Variants in RBFOX1 observed in about 807,000 individuals in gnomAD.
RBFOX1 encodes RNA binding protein fox-1 homolog 1.
In RBFOX1, 8 loss-of-function variants were observed where a neutral mutation model predicts 57.7. The observed-to-expected ratio is 0.14, with a 90% CI of 0.08 to 0.25. RBFOX1 has a LOEUF of 0.25. RBFOX1 is among the 10% of genes least tolerant of loss of function. The pLI is 1.00. For synonymous variants in RBFOX1, 326 were observed against 222.4 expected (o/e 1.47, Z -4.15); for missense variants, 611 against 548.5 (o/e 1.11, Z -1.14).
chr16:6,841,949 T>C (rs2093486673), intron 3 of RBFOX1, among the ~76,000 whole-genome samples: 1 of 150,424 alleles, frequency 6.6e-6, no homozygotes. Context: ...CCATCCTGGC[T>C]AATACGGTGA....
At chr16:6,395,294 G>T (rs1288847553) in intron 2 of RBFOX1, among the ~76,000 whole-genome samples, 1 of 152,146 alleles carries the variant, frequency 6.6e-6, no homozygotes, top group Non-Finnish European at 1.5e-5. Context: ...AACAAAGTCA[G>T]ATTTCAAAAT....
At chr16:7,279,244 T>G (rs2141089364) in intron 4 of RBFOX1, among the ~76,000 whole-genome samples, 1 of 152,250 alleles carries the variant, frequency 6.6e-6, no homozygotes, top group African/African-American at 2.4e-5. Flanking sequence ...ATGCTGCATT[T>G]TCTCTGTTTA....
intron 3 of RBFOX1, among the ~76,000 whole-genome samples, chr16:6,712,497 A>G (rs1336303522): frequency 1.3e-5 from 2 of 152,006 alleles, no homozygotes; most frequent in African/African-American, 4.8e-5. Context: ...AGTTTTTTCC[A>G]TCTCAGTGGA....
chr16:7,218,074 T>TGC (rs1411594344), intron 4 of RBFOX1, among the ~76,000 whole-genome samples: 1 of 131,806 alleles, frequency 7.6e-6, no homozygotes, highest in Non-Finnish European at 1.6e-5. Flanking sequence ...TGTGTGTGTG[T>TGC]GCGTCTGTGT....
At chr16:5,961,994 G>T (rs1002943803) in intron 4 of RBFOX1, among the ~76,000 whole-genome samples, 2 of 152,136 alleles carry the variant, frequency 1.3e-5, no homozygotes, top group Non-Finnish European at 2.9e-5. Context: ...AAGGTATTGG[G>T]AGCCCATCTC....
chr16:5,436,821 G>A (rs1234882247), intron 1 of RBFOX1, among the ~76,000 whole-genome samples: 1 of 151,674 alleles, frequency 6.6e-6, no homozygotes, highest in Non-Finnish European at 1.5e-5. Flanking sequence ...CTGGGTGACA[G>A]AGCAAGACTC....
chr16:6,942,666 A>T (rs1236408664), intron 3 of RBFOX1, among the ~76,000 whole-genome samples: 1 of 152,160 alleles, frequency 6.6e-6, no homozygotes, highest in Non-Finnish European at 1.5e-5. Flanking sequence ...GAAGGATAAG[A>T]TGGTGTCTGA....
intron 3 of RBFOX1, among the ~76,000 whole-genome samples, chr16:5,715,830 G>A (rs1263662430): frequency 6.6e-6 from 1 of 152,184 alleles, no homozygotes; most frequent in Non-Finnish European, 1.5e-5. Context: ...AGCAAATAGC[G>A]AGAGAAGGGG....
intron 2 of RBFOX1, among the ~76,000 whole-genome samples, chr16:6,542,526 G>A (rs2096837079): frequency 8.9e-6 from 1 of 111,820 alleles, no homozygotes; most frequent in Non-Finnish European, 1.7e-5. Flanking sequence ...GTCTTGCTCT[G>A]TCACCCAGGC....
intron 4 of RBFOX1, among the ~76,000 whole-genome samples, chr16:7,218,172 C>A (rs930560105): frequency 2.6e-5 from 4 of 152,072 alleles, no homozygotes; most frequent in East Asian, 1.9e-4. Context: ...ACCCTATGAT[C>A]CTTTGCCTGA....
At chr16:7,320,233 CA>C in intron 4 of RBFOX1, among the ~76,000 whole-genome samples, 1 of 152,216 alleles carries the variant, frequency 6.6e-6, no homozygotes, top group East Asian at 1.9e-4. Context: ...TCCCTTCCCC[CA>C]CCACCCCCTA....
At chr16:7,196,285 G>A (rs544752102) in intron 4 of RBFOX1, among the ~76,000 whole-genome samples, 1 of 152,262 alleles carries the variant, frequency 6.6e-6, no homozygotes, top group African/African-American at 2.4e-5. Flanking sequence ...TATCGACTGT[G>A]TTATCTTCAC....
chr16:6,885,781 T>A (rs1478979950), intron 3 of RBFOX1, among the ~76,000 whole-genome samples: 1 of 152,218 alleles, frequency 6.6e-6, no homozygotes, highest in Non-Finnish European at 1.5e-5. Context: ...TTCACCTGCC[T>A]TGGCCTCCCA....
chr16:7,226,007 C>T (rs992547490), intron 4 of RBFOX1, among the ~76,000 whole-genome samples: 1 of 151,556 alleles, frequency 6.6e-6, no homozygotes, highest in Admixed American at 6.6e-5. Context: ...ATGGGCCTTG[C>T]TGAATCTGTA....
chr16:5,323,608 G>A (rs1404690240), intron 1 of RBFOX1, among the ~76,000 whole-genome samples: 1 of 152,244 alleles, frequency 6.6e-6, no homozygotes, highest in Non-Finnish European at 1.5e-5. Context: ...GACTTTTAAA[G>A]CAATAGCTTC....
In RBFOX1 at chr16:5,300,483, C is replaced by G. The variant is rs918510492; in HGVS notation, c.219+60378C>G. Among the ~76,000 whole-genome samples, 29 of 152,010 alleles carry G rather than the reference C, an allele frequency of 1.9e-4. 4 individuals carry two copies. Among genetic ancestry groups the G allele is most frequent in the Admixed American group, 1.7e-3 (26 of 15,262 alleles). On this transcript the variant is annotated intron_variant, in intron 1 of 2. Transcript: ENST00000585867. ...ATGAATTTATTCTTCTAACGCACCA[C>G]CACCCATTCCCCAAAAACCAGCTGA...
intron 3 of RBFOX1, among the ~76,000 whole-genome samples, chr16:5,678,226 A>G (rs542054597): frequency 3.3e-5 from 5 of 152,122 alleles, no homozygotes; most frequent in African/African-American, 9.7e-5. Flanking sequence ...GAGTTTAGAA[A>G]TTGTTCTGAA....
chr16:6,730,491 A>G (rs911325582), intron 3 of RBFOX1, among the ~76,000 whole-genome samples: 2 of 152,078 alleles, frequency 1.3e-5, no homozygotes, highest in Non-Finnish European at 2.9e-5. Context: ...CTAACTGTCT[A>G]ATCTATCTAT....
chr16:6,087,098 A>T lies in RBFOX1; in HGVS notation c.-127+67106A>T, dbSNP rs367860076. 2.0e-5 allele frequency among the ~76,000 whole-genome samples: 3 copies of T among 152,334 alleles called. No homozygotes were observed. In the East Asian group the frequency reaches 5.8e-4, roughly 29 times the overall value. On this transcript the variant is annotated intron_variant, in intron 1 of 15. Coordinates refer to ENST00000550418, the MANE Select transcript of RBFOX1 (RefSeq NM_018723.4). ...AAGGAAAAGAGACAAATTTGACAGT[A>T]ATCCAATTTCCGTCAGCAAATTTAG... is the stretch of plus-strand genomic sequence containing the variant.
Sources: gnomAD v4.1 joint callset for allele counts (sites outside exome capture counted in the v4.1 genomes callset) on GRCh38, gnomAD v4.1.1 for gene constraint, MANE v1.5 for transcripts, NCBI Gene and HGNC (gene_info 2026-07-23, HGNC 2026-07-21) for gene names.